PTPRO: variants seen among roughly 807,000 people sequenced by gnomAD.
The protein encoded by PTPRO is receptor-type tyrosine-protein phosphatase O.
Under a neutral mutation model 145.2 loss-of-function variants are expected in PTPRO, and 62 were observed. The ratio of observed to expected loss-of-function variants is 0.43; its 90% CI spans 0.35 to 0.53. The LOEUF (loss-of-function observed/expected upper bound fraction) is 0.53. PTPRO is among the 20% of genes least tolerant of loss of function. PTPRO has a pLI of 0.01. For missense variants in PTPRO, 1,345 were observed against 1,482.7 expected, an observed-to-expected ratio of 0.91 and a Z score of 1.53; for synonymous variants, 565 against 514.7, an observed-to-expected ratio of 1.10 and a Z score of -1.32.
intron 12 of PTPRO, among the ~76,000 whole-genome samples, chr12:15,530,419 A>C (rs1321182469): frequency 6.6e-6 from 1 of 152,210 alleles, no homozygotes; most frequent in Non-Finnish European, 1.5e-5. Context: ...ACTGCTATGG[A>C]ATACACATTG....
At chr12:15,458,819 C>T (rs1421125035) in intron 1 of PTPRO, among the ~76,000 whole-genome samples, 2 of 152,022 alleles carry the variant, frequency 1.3e-5, no homozygotes, top group Non-Finnish European at 2.9e-5. Context: ...CATAATATAT[C>T]TCCATTGCAT....
chr12:15,565,762 C>A (rs567396339), intron 18 of PTPRO, 134 bp downstream of exon 18: 1 of 642,400 alleles, frequency 1.6e-6, no homozygotes, highest in South Asian at 1.8e-5. Flanking sequence ...TAGCTAAGCA[C>A]AATAATGTAC....
chr12:15,577,266 A>G (rs573221584), intron 19 of PTPRO, among the ~76,000 whole-genome samples: 2 of 152,258 alleles, frequency 1.3e-5, no homozygotes, highest in South Asian at 2.1e-4. Flanking sequence ...AAAGGAAGAG[A>G]GAAATCTGGG....
chr12:15,587,708 G>A (rs945498353), intron 24 of PTPRO, among the ~76,000 whole-genome samples: 2 of 152,286 alleles, frequency 1.3e-5, no homozygotes, highest in South Asian at 4.1e-4. Flanking sequence ...TATGAACAGA[G>A]CTCCATCAAA....
intron 19 of PTPRO, among the ~76,000 whole-genome samples, chr12:15,575,258 T>C (rs1483051591): frequency 3.9e-5 from 6 of 152,132 alleles, no homozygotes; most frequent in Non-Finnish European, 8.8e-5. Context: ...GCTAGAGCAC[T>C]TCCCACTGGC....
At chr12:15,380,441 AAG>A (rs796747740) in intron 1 of PTPRO, among the ~76,000 whole-genome samples, 1 of 152,220 alleles carries the variant, frequency 6.6e-6, no homozygotes, top group African/African-American at 2.4e-5. Context: ...ACTGCACGAA[AAG>A]AGAGAGAGAA....
intron 1 of PTPRO, among the ~76,000 whole-genome samples, chr12:15,483,273 G>T (rs946817392): frequency 2.6e-5 from 4 of 152,070 alleles, no homozygotes; most frequent in Non-Finnish European, 5.9e-5. Context: ...CCAATTCCAT[G>T]GATGACTTTT....
chr12:15,551,686 A>G lies in PTPRO; in HGVS notation c.2558+15A>G. The G allele has an allele frequency of 1.9e-6, 3 of 1,611,566 alleles. No homozygotes were observed. The highest frequency in any genetic ancestry group is 2.5e-6 in the Non-Finnish European group (3 of 1,178,352). ...CAGATGGCTAGGTAAGTTAAGTTTT[A>G]CTAATATTTTATCCGGAATCTTTAA... On this transcript the variant is annotated intron_variant, in intron 15 of 26. Coordinates refer to ENST00000281171, the MANE Select transcript of PTPRO (RefSeq NM_030667.3).
At chr12:15,466,687 A>G (rs1941425407) in intron 1 of PTPRO, among the ~76,000 whole-genome samples, 2 of 152,126 alleles carry the variant, frequency 1.3e-5, no homozygotes, top group Non-Finnish European at 2.9e-5. Flanking sequence ...TCCTTCTCCC[A>G]TTTTATAGAT....
chr12:15,552,898 C>T (rs1243123156), intron 15 of PTPRO, among the ~76,000 whole-genome samples: 1 of 140,760 alleles, frequency 7.1e-6, no homozygotes, highest in African/African-American at 2.6e-5. Context: ...TTCTCAGGTT[C>T]AAGCGATTCT....
At chr12:15,362,707 A>AAT (rs1269125527) in intron 1 of PTPRO, among the ~76,000 whole-genome samples, 1 of 152,186 alleles carries the variant, frequency 6.6e-6, no homozygotes, top group Admixed American at 6.5e-5. Flanking sequence ...ATCAAAAAAA[A>AAT]AGATCTAATC....
intron 1 of PTPRO, among the ~76,000 whole-genome samples, chr12:15,388,897 A>G (rs1484943955): frequency 6.6e-6 from 1 of 152,056 alleles, no homozygotes; most frequent in Non-Finnish European, 1.5e-5. Flanking sequence ...AAATCCGCAT[A>G]AAGTGTTCAT....
chr12:15,585,579 C>T (rs188723614), intron 23 of PTPRO, among the ~76,000 whole-genome samples: 15 of 152,228 alleles, frequency 9.9e-5, no homozygotes, highest in South Asian at 6.2e-4. Context: ...TGTCTTTATA[C>T]GTTTATTTTC....
At chr12:15,583,811 C>G (rs150818215) in intron 23 of PTPRO, among the ~76,000 whole-genome samples, 21 of 152,226 alleles carry the variant, frequency 1.4e-4, no homozygotes, top group African/African-American at 4.8e-4. Flanking sequence ...ACTGATTGAT[C>G]TCTACAGGAG....
chr12:15,419,210 A>T lies in PTPRO; in HGVS notation c.76-64764A>T, dbSNP rs11056466. On this transcript the variant is annotated intron_variant, in intron 1 of 26. Coordinates refer to ENST00000281171, the MANE Select transcript of PTPRO (RefSeq NM_030667.3). ...GCCACCTTTTCCTGCATTTGTGCCG[A>T]CAAGTCCATTTATCCTTTTTAAGAT... Among the ~76,000 whole-genome samples, 810 of 149,924 alleles carry T rather than the reference A, an allele frequency of 5.4e-3. 55 individuals carry two copies. In the East Asian group the frequency reaches 0.14, roughly 26 times the overall value.
intron 1 of PTPRO, among the ~76,000 whole-genome samples, chr12:15,338,230 G>A (rs11833467): frequency 0.25 from 37,551 of 152,036 alleles, 4,857 homozygotes; most frequent in Non-Finnish European, 0.3. Context: ...GTTATCTCCA[G>A]GAAAAATGTT....
chr12:15,358,129 C>T (rs187695309), intron 1 of PTPRO, among the ~76,000 whole-genome samples: 5 of 150,076 alleles, frequency 3.3e-5, no homozygotes, highest in East Asian at 2.0e-4. Flanking sequence ...AGTAAACTAT[C>T]GCAAGGACAA....
intron 1 of PTPRO, among the ~76,000 whole-genome samples, chr12:15,434,048 T>G (rs552485895): frequency 2.6e-5 from 4 of 152,318 alleles, no homozygotes; most frequent in African/African-American, 9.6e-5. Flanking sequence ...GAATTCCCTG[T>G]TAATATGCAT....
intron 10 of PTPRO, among the ~76,000 whole-genome samples, chr12:15,524,157 TAAAAAAAAA>T (rs34287474): frequency 1.5e-5 from 2 of 129,134 alleles, no homozygotes; most frequent in Non-Finnish European, 3.2e-5. Flanking sequence ...GCTTCGTGGC[TAAAAAAAAA>T]AAAAAAAAAA....
Sources: allele counts gnomAD v4.1 joint callset (sites outside exome capture counted in the v4.1 genomes callset), GRCh38; gene constraint gnomAD v4.1.1; transcripts MANE v1.5; gene names NCBI Gene and HGNC (gene_info 2026-07-23, HGNC 2026-07-21).